Variants in NBAS observed in about 807,000 individuals in gnomAD.
NBAS encodes the protein NBAS subunit of NRZ tethering complex, also known as NAG/BC035112 fusion.
A neutral mutation model predicts 302.5 loss-of-function variants in NBAS; 219 were observed. That is an observed-to-expected ratio of 0.72 (90% CI 0.65 to 0.81). The LOEUF (loss-of-function observed/expected upper bound fraction) is 0.81. NBAS is among the 30% of genes least tolerant of loss of function. The pLI, the probability that NBAS is intolerant of heterozygous loss-of-function variation, is 0.00. For missense variants in NBAS, 2,932 were observed against 2,841.6 expected (o/e 1.03, Z -0.72); for synonymous variants, 1,118 against 1,021.6 (o/e 1.09, Z -1.80).
chr2:15,296,127 G>A (rs1322961325), intron 40 of NBAS, among the ~76,000 whole-genome samples: 1 of 152,154 alleles, frequency 6.6e-6, no homozygotes, highest in Non-Finnish European at 1.5e-5. Context: ...TCCATGGAAG[G>A]AGCAGTTGAT....
intron 23 of NBAS, among the ~76,000 whole-genome samples, chr2:15,421,366 T>C (rs1677205532): frequency 6.6e-6 from 1 of 152,120 alleles, no homozygotes; most frequent in Non-Finnish European, 1.5e-5. Context: ...TAAAATGAAA[T>C]TACTGACACT....
At chr2:15,305,543 C>G (rs1454516924) in intron 40 of NBAS, among the ~76,000 whole-genome samples, 1 of 151,748 alleles carries the variant, frequency 6.6e-6, no homozygotes, top group Non-Finnish European at 1.5e-5. Flanking sequence ...CCTCCGCCTC[C>G]CAGATTCAAG....
At chr2:14,834,089 G>T in the NBAS span, among the ~76,000 whole-genome samples, 1 of 151,990 alleles carries the variant, frequency 6.6e-6, no homozygotes, top group South Asian at 2.1e-4. Context: ...CAAATAACTT[G>T]GATTTAAATA....
At chr2:14,819,820 A>C in the NBAS span, among the ~76,000 whole-genome samples, 436 of 152,386 alleles carry the variant, frequency 2.9e-3, 15 homozygotes, top group Non-Finnish European at 1.8e-4. Context: ...CTATAGGAAA[A>C]AATCTAATAA....
At chr2:15,020,312 T>C in the NBAS span, among the ~76,000 whole-genome samples, 3 of 152,238 alleles carry the variant, frequency 2.0e-5, no homozygotes, top group Non-Finnish European at 4.4e-5. Flanking sequence ...ATTTATGACA[T>C]CATATTGCAA....
At chr2:14,829,188 C>T in the NBAS span, among the ~76,000 whole-genome samples, 1 of 151,958 alleles carries the variant, frequency 6.6e-6, no homozygotes, top group Non-Finnish European at 1.5e-5. Context: ...CGTAAGGGCT[C>T]AGGAGTCAGA....
At chr2:15,232,715 A>G (rs1362807215) in intron 46 of NBAS, among the ~76,000 whole-genome samples, 1 of 152,208 alleles carries the variant, frequency 6.6e-6, no homozygotes, top group African/African-American at 2.4e-5. Context: ...TAAGGAGCTC[A>G]GTCTAATATA....
chr2:15,142,498 C>T, the NBAS span, among the ~76,000 whole-genome samples: 14 of 152,344 alleles, frequency 9.2e-5, no homozygotes, highest in African/African-American at 2.2e-4. Context: ...TAAAAATGGT[C>T]GCCTCCGCAA....
At chr2:15,401,388 A>G (rs1389708780) in intron 26 of NBAS, among the ~76,000 whole-genome samples, 1 of 152,168 alleles carries the variant, frequency 6.6e-6, no homozygotes, top group East Asian at 1.9e-4. Context: ...AAAGAGAGAA[A>G]AGAGGGAGAA....
chr2:15,178,991 A>T lies in NBAS; in HGVS notation c.6837T>A (p.Thr2279=), dbSNP rs751762515. The T allele has an allele frequency of 3.1e-6, 5 of 1,613,882 alleles. No homozygotes were observed. The highest frequency in any genetic ancestry group is 4.2e-6 in the Non-Finnish European group (5 of 1,179,982). ...EMALEQITAV[T]TVNDSNCDQE... is the part of the protein sequence containing the mutation. ...AAGTAAATTCAACTGGGCATACCGT[A>T]GTGACTGCCGTGATTTGCTCCAGTG... The change falls in exon 51 of 52, where the codon ACT becomes ACA. Residue 2279 remains threonine (T), a synonymous_variant. Transcript: ENST00000281513.
At chr2:15,485,884 T>C (rs1680605919) in intron 12 of NBAS, among the ~76,000 whole-genome samples, 1 of 152,082 alleles carries the variant, frequency 6.6e-6, no homozygotes, top group Admixed American at 6.5e-5. Flanking sequence ...GAGTTTTCAT[T>C]TTCACCACAG....
At chr2:15,331,756 G>T (rs1281119958) in intron 35 of NBAS, among the ~76,000 whole-genome samples, 1 of 152,146 alleles carries the variant, frequency 6.6e-6, no homozygotes, top group Admixed American at 6.5e-5. Flanking sequence ...GCCATATATG[G>T]TAAGTAGAAT....
chr2:14,957,471 A>T, the NBAS span, among the ~76,000 whole-genome samples: 7 of 152,206 alleles, frequency 4.6e-5, no homozygotes, highest in Admixed American at 3.9e-4. Flanking sequence ...CTTTGCATCA[A>T]ATTCCAGGGT....
chr2:14,939,916 A>C, the NBAS span, among the ~76,000 whole-genome samples: 1 of 152,234 alleles, frequency 6.6e-6, no homozygotes, highest in Non-Finnish European at 1.5e-5. Context: ...AAATGCTAAC[A>C]CCATCTAGTT....
chr2:15,141,664 A>C, the NBAS span, among the ~76,000 whole-genome samples: 35 of 149,032 alleles, frequency 2.3e-4, no homozygotes, highest in African/African-American at 8.4e-4. Flanking sequence ...CATATTGCTC[A>C]TTTTCAGCAA....
chr2:15,536,882 A>C (rs1663546183), intron 7 of NBAS, among the ~76,000 whole-genome samples: 1 of 152,256 alleles, frequency 6.6e-6, no homozygotes, highest in Non-Finnish European at 1.5e-5. Context: ...AAAAACTCTA[A>C]GAGCTTGTTT....
chr2:15,547,213 T>C (rs1347277273), intron 6 of NBAS, among the ~76,000 whole-genome samples: 1 of 152,214 alleles, frequency 6.6e-6, no homozygotes, highest in African/African-American at 2.4e-5. Flanking sequence ...TAGAACCAAA[T>C]AGCTCCTATT....
At chr2:15,290,084 T>TAGAGGGG (rs1462927739) in intron 41 of NBAS, among the ~76,000 whole-genome samples, 4 of 59,918 alleles carry the variant, frequency 6.7e-5, no homozygotes, top group South Asian at 5.3e-4. Flanking sequence ...GGGGAGAGAG[T>TAGAGGGG]AGAGGGGAGA....
chr2:15,244,182 A>G (rs770261237), intron 44 of NBAS, among the ~76,000 whole-genome samples: 101 of 152,342 alleles, frequency 6.6e-4, no homozygotes, highest in Admixed American at 2.6e-3. Context: ...ACTAACAGAT[A>G]TTAAATAAAT....
Sources: gnomAD v4.1 joint callset for allele counts (sites outside exome capture counted in the v4.1 genomes callset) on GRCh38, gnomAD v4.1.1 for gene constraint, MANE v1.5 for transcripts, NCBI Gene and HGNC (gene_info 2026-07-23, HGNC 2026-07-21) for gene names.